XRCC4: variants seen among roughly 807,000 people sequenced by gnomAD.
XRCC4 encodes the protein X-ray repair cross complementing 4, also known as DNA repair protein XRCC4.
Under a neutral mutation model 39.1 loss-of-function variants are expected in XRCC4, and 28 were observed. The ratio of observed to expected loss-of-function variants is 0.72; its 90% CI spans 0.53 to 0.98. XRCC4 has a LOEUF of 0.98. Among genes scored for constraint, XRCC4 ranks in the 50% least tolerant of loss-of-function variants. The pLI is 0.00. For missense variants in XRCC4, 350 were observed against 376.4 expected (o/e 0.93, Z 0.58); for synonymous variants, 123 against 126.4 (o/e 0.97, Z 0.18).
chr5:83,172,734 G>A (rs1357035040), intron 3 of XRCC4, among the ~76,000 whole-genome samples: 1 of 152,144 alleles, frequency 6.6e-6, no homozygotes, highest in Non-Finnish European at 1.5e-5. Flanking sequence ...GGCAATGAGA[G>A]GAAATCATTT....
intron 6 of XRCC4, among the ~76,000 whole-genome samples, chr5:83,246,609 TTTCTAAATG>T (rs1469248815): frequency 1.3e-5 from 2 of 152,154 alleles, no homozygotes; most frequent in Non-Finnish European, 2.9e-5. Context: ...ATGAATCATT[TTTCTAAATG>T]TCAGTTTATT....
chr5:83,222,402 A>G lies in XRCC4; in HGVS notation c.745+17481A>G, dbSNP rs139055311. ...TATTGCATTGTTAGCTTGTATTTAA[A>G]TTTGCCTTATATTTTTAGACCTCAT... On this transcript the variant is annotated intron_variant, in intron 6 of 7. Transcript: ENST00000396027. 2.5e-3 allele frequency among the ~76,000 whole-genome samples: 376 copies of G among 152,248 alleles called. 3 individuals carry two copies. Among genetic ancestry groups the G allele is most frequent in the African/African-American group, 8.6e-3 (357 of 41,560 alleles).
chr5:83,300,786 G>A (rs1408455850), intron 7 of XRCC4, among the ~76,000 whole-genome samples: 1 of 150,854 alleles, frequency 6.6e-6, no homozygotes, highest in Non-Finnish European at 1.5e-5. Context: ...TGTGCCATAT[G>A]TTCTCATTGT....
intron 3 of XRCC4, among the ~76,000 whole-genome samples, chr5:83,120,364 T>C (rs1746951151): frequency 6.6e-6 from 1 of 152,178 alleles, no homozygotes; most frequent in Non-Finnish European, 1.5e-5. Context: ...TTATGGTGAG[T>C]ATACAGTTTT....
chr5:83,233,519 A>G (rs932818742), intron 6 of XRCC4, among the ~76,000 whole-genome samples: 5 of 152,132 alleles, frequency 3.3e-5, no homozygotes, highest in African/African-American at 7.2e-5. Flanking sequence ...TCTTCTCCAG[A>G]AAAGGACAGA....
At chr5:83,290,479 CT>C (rs200784227) in intron 7 of XRCC4, among the ~76,000 whole-genome samples, 1,940 of 151,258 alleles carry the variant, frequency 0.013, 35 homozygotes, top group African/African-American at 0.045. Flanking sequence ...TGATCATATT[CT>C]GCACTATGTG....
At chr5:83,196,024 T>C in intron 4 of XRCC4, 88 bp downstream of exon 4, 1 of 1,341,466 alleles carries the variant, frequency 7.5e-7, no homozygotes, top group Non-Finnish European at 1.0e-6. Context: ...AAATTTCCAA[T>C]ATATGTGGAT....
In XRCC4 at chr5:83,135,221, C is replaced by A. The variant is rs567104071; in HGVS notation, c.315+24018C>A. ...GCTTCGGCTCATGCTCTGTGGGCTG[C>A]ACCCACTGTCTCACAAGTCCCAGTG... On this transcript the variant is annotated intron_variant, in intron 3 of 7. Coordinates refer to ENST00000396027, the MANE Select transcript of XRCC4 (RefSeq NM_003401.5). Among the ~76,000 whole-genome samples the A allele has an allele frequency of 7.7e-4, 118 of 152,280 alleles. 1 individual carries two copies. The highest frequency in any genetic ancestry group is 6.8e-3 in the Middle Eastern group (2 of 294).
At chr5:83,277,810 A>G (rs977095782) in intron 7 of XRCC4, among the ~76,000 whole-genome samples, 1 of 152,190 alleles carries the variant, frequency 6.6e-6, no homozygotes, top group Non-Finnish European at 1.5e-5. Flanking sequence ...GTCTGTACCA[A>G]TGTGATTGTC....
chr5:83,164,120 T>C (rs543277486), intron 3 of XRCC4, among the ~76,000 whole-genome samples: 3 of 152,286 alleles, frequency 2.0e-5, no homozygotes, highest in African/African-American at 7.2e-5. Context: ...TTACCCTAAG[T>C]TCTTAGAAAG....
chr5:83,372,456 C>T, the XRCC4 span, among the ~76,000 whole-genome samples: 1 of 152,134 alleles, frequency 6.6e-6, no homozygotes, highest in Non-Finnish European at 1.5e-5. Context: ...TCATTGTCAT[C>T]AATCATAAGC....
chr5:83,214,247 GA>G (rs1374900159), intron 6 of XRCC4, among the ~76,000 whole-genome samples: 1 of 152,102 alleles, frequency 6.6e-6, no homozygotes, highest in Non-Finnish European at 1.5e-5. Flanking sequence ...ATTCAGATTG[GA>G]AAAGAAGTAA....
At chr5:83,225,048 A>C (rs1256547692) in intron 6 of XRCC4, among the ~76,000 whole-genome samples, 1 of 152,168 alleles carries the variant, frequency 6.6e-6, no homozygotes, top group African/African-American at 2.4e-5. Context: ...ATTTATGCAC[A>C]CTTGATAAGA....
chr5:83,236,504 A>G (rs1184292840), intron 6 of XRCC4, among the ~76,000 whole-genome samples: 1 of 152,130 alleles, frequency 6.6e-6, no homozygotes, highest in African/African-American at 2.4e-5. Context: ...AAAATTGGAT[A>G]TCTATATGCA....
intron 3 of XRCC4, among the ~76,000 whole-genome samples, chr5:83,122,221 T>C (rs945820273): frequency 6.6e-6 from 1 of 152,210 alleles, no homozygotes; most frequent in African/African-American, 2.4e-5. Flanking sequence ...ACAAGTCTGC[T>C]GGAATCTTAA....
At chr5:83,172,900 T>TG (rs1171626682) in intron 3 of XRCC4, among the ~76,000 whole-genome samples, 1 of 152,178 alleles carries the variant, frequency 6.6e-6, no homozygotes, top group Non-Finnish European at 1.5e-5. Context: ...CAAAACATTC[T>TG]GGACTCTTCC....
At chr5:83,169,170 C>T (rs1172107984) in intron 3 of XRCC4, among the ~76,000 whole-genome samples, 1 of 152,078 alleles carries the variant, frequency 6.6e-6, no homozygotes, top group African/African-American at 2.4e-5. Context: ...TTTTGTGCTT[C>T]CATTTTTAAA....
intron 7 of XRCC4, among the ~76,000 whole-genome samples, chr5:83,312,741 C>A (rs1262067267): frequency 2.6e-5 from 4 of 151,920 alleles, no homozygotes; most frequent in African/African-American, 9.7e-5. Context: ...AGTATGGAGG[C>A]AGGAGTGAAT....
intron 7 of XRCC4, among the ~76,000 whole-genome samples, chr5:83,334,249 C>A (rs1006575012): frequency 5.9e-5 from 9 of 152,018 alleles, no homozygotes; most frequent in African/African-American, 2.2e-4. Context: ...AGCATATATG[C>A]TACTCTCTTG....
Sources: allele counts gnomAD v4.1 joint callset (sites outside exome capture counted in the v4.1 genomes callset), GRCh38; gene constraint gnomAD v4.1.1; transcripts MANE v1.5; gene names NCBI Gene and HGNC (gene_info 2026-07-23, HGNC 2026-07-21).